The following FAM135B variants were observed in gnomAD, a reference collection of about 807,000 sequenced individuals.
FAM135B encodes the protein protein FAM135B.
FAM135B carries 43 observed loss-of-function variants against 127.7 expected under a neutral mutation model. That is an observed-to-expected ratio of 0.34 (90% CI 0.26 to 0.43). The LOEUF (loss-of-function observed/expected upper bound fraction) is 0.43, where lower values mean the gene tolerates loss of function less well. Among genes scored for constraint, FAM135B ranks in the 20% least tolerant of loss-of-function variants. The probability of loss-of-function intolerance (pLI) is 1.00; values close to 1 mark genes in which losing one functional copy is unlikely to be tolerated. For synonymous variants in FAM135B, 670 were observed against 665.1 expected (o/e 1.01, Z -0.11); for missense variants, 1,558 against 1,725.6 (o/e 0.90, Z 1.72).
chr8:138,403,353 C>T (rs1242134364), intron 1 of FAM135B, among the ~76,000 whole-genome samples: 1 of 152,004 alleles, frequency 6.6e-6, no homozygotes, highest in Non-Finnish European at 1.5e-5. Context: ...AGACCCATCA[C>T]CAACCTTGGA....
At chr8:138,367,882 C>T (rs1448367744) in intron 2 of FAM135B, 25 bp downstream of exon 2, 8 of 1,544,822 alleles carry the variant, frequency 5.2e-6, no homozygotes, top group African/African-American at 1.4e-5. Context: ...CACACACACA[C>T]ACACAAATTG....
chr8:138,415,727 A>G (rs940218818), intron 1 of FAM135B, among the ~76,000 whole-genome samples: 1 of 152,214 alleles, frequency 6.6e-6, no homozygotes, highest in African/African-American at 2.4e-5. Flanking sequence ...TGAAGAGCTA[A>G]TCAAGACAAT....
At chr8:138,412,341 G>T (rs1833914298) in intron 1 of FAM135B, among the ~76,000 whole-genome samples, 2 of 152,210 alleles carry the variant, frequency 1.3e-5, no homozygotes, top group South Asian at 4.1e-4. Context: ...ATCCAGCTAA[G>T]TCACACCCAG....
At chr8:138,309,598 T>C (rs557578557) in intron 3 of FAM135B, among the ~76,000 whole-genome samples, 66 of 152,280 alleles carry the variant, frequency 4.3e-4, no homozygotes, top group Non-Finnish European at 7.2e-4. Flanking sequence ...ATGTCTTCCA[T>C]GGTAAATTTA....
chr8:138,233,848 A>G (rs1260398110), intron 7 of FAM135B, among the ~76,000 whole-genome samples: 1 of 152,158 alleles, frequency 6.6e-6, no homozygotes, highest in Non-Finnish European at 1.5e-5. Flanking sequence ...AAATAAATAA[A>G]CTTGATTTTT....
chr8:138,418,900 A>C (rs1347819089), intron 1 of FAM135B, among the ~76,000 whole-genome samples: 1 of 151,404 alleles, frequency 6.6e-6, no homozygotes, highest in Non-Finnish European at 1.5e-5. Flanking sequence ...AAAAAAAAAA[A>C]CATACTTAAG....
chr8:138,283,138 A>T (rs531356726), intron 3 of FAM135B, among the ~76,000 whole-genome samples: 7 of 152,072 alleles, frequency 4.6e-5, no homozygotes, highest in Middle Eastern at 3.4e-3. Flanking sequence ...TGACCTCGTG[A>T]CCCGCCCACC....
intron 1 of FAM135B, among the ~76,000 whole-genome samples, chr8:138,445,060 G>T (rs1290685914): frequency 6.6e-6 from 1 of 152,146 alleles, no homozygotes; most frequent in African/African-American, 2.4e-5. Flanking sequence ...TAGAAGAAAT[G>T]GATAAATTCC....
intron 7 of FAM135B, among the ~76,000 whole-genome samples, chr8:138,202,125 CA>C (rs60386806): frequency 0.011 from 895 of 84,086 alleles, 31 homozygotes; most frequent in African/African-American, 0.04. Flanking sequence ...AACTCTGTCT[CA>C]AAAAAAAAAA....
chr8:138,434,956 A>G (rs539394515), intron 1 of FAM135B, among the ~76,000 whole-genome samples: 5 of 152,290 alleles, frequency 3.3e-5, no homozygotes, highest in African/African-American at 1.2e-4. Context: ...TTCCTCTGGC[A>G]CATTACCTGC....
intron 7 of FAM135B, among the ~76,000 whole-genome samples, chr8:138,213,388 C>T (rs903624139): frequency 1.3e-5 from 2 of 152,124 alleles, no homozygotes; most frequent in African/African-American, 2.4e-5. Flanking sequence ...ATGCCAACAG[C>T]ATGTCATCTC....
At chr8:138,293,706 A>T (rs1222212155) in intron 3 of FAM135B, among the ~76,000 whole-genome samples, 1 of 152,186 alleles carries the variant, frequency 6.6e-6, no homozygotes, top group Non-Finnish European at 1.5e-5. Flanking sequence ...ATACCACCTT[A>T]CCCCTGCAAG....
intron 1 of FAM135B, among the ~76,000 whole-genome samples, chr8:138,428,483 C>T (rs2131495053): frequency 6.6e-6 from 1 of 152,132 alleles, no homozygotes; most frequent in African/African-American, 2.4e-5. Flanking sequence ...GTGCCTAGGC[C>T]ATTGTCTCAT....
chr8:138,362,128 A>G (rs1244220776), intron 2 of FAM135B, among the ~76,000 whole-genome samples: 2 of 151,956 alleles, frequency 1.3e-5, no homozygotes, highest in Non-Finnish European at 2.9e-5. Flanking sequence ...GTTATAAACA[A>G]TCCAATCACC....
intron 3 of FAM135B, among the ~76,000 whole-genome samples, chr8:138,267,837 T>C (rs1322678903): frequency 1.3e-5 from 2 of 152,244 alleles, no homozygotes; most frequent in African/African-American, 4.8e-5. Context: ...ACTGGCCTAA[T>C]GCAGTTCTAT....
intron 9 of FAM135B, among the ~76,000 whole-genome samples, chr8:138,180,936 CA>C (rs1390826286): frequency 6.6e-6 from 1 of 152,012 alleles, no homozygotes; most frequent in African/African-American, 2.4e-5. Context: ...ACATCATGGT[CA>C]AAAGTGTTAA....
intron 10 of FAM135B, 126 bp downstream of exon 10, chr8:138,178,409 A>T: frequency 9.2e-7 from 1 of 1,082,868 alleles, no homozygotes; most frequent in Non-Finnish European, 1.4e-6. Context: ...CTGCACGGTC[A>T]TGGTAGAGAC....
intron 7 of FAM135B, among the ~76,000 whole-genome samples, chr8:138,209,129 G>T (rs953359276): frequency 2.0e-4 from 30 of 152,038 alleles, no homozygotes; most frequent in Non-Finnish European, 1.8e-4. Flanking sequence ...GGTTTTTTTG[G>T]TGGTTCCTGT....
intron 9 of FAM135B, among the ~76,000 whole-genome samples, chr8:138,186,455 G>A (rs866913144): frequency 1.3e-5 from 2 of 152,148 alleles, no homozygotes; most frequent in Non-Finnish European, 2.9e-5. Context: ...ACTGGCAGGA[G>A]TGGGGGAGAC....
Sources: gnomAD v4.1 joint callset for allele counts (sites outside exome capture counted in the v4.1 genomes callset) on GRCh38, gnomAD v4.1.1 for gene constraint, MANE v1.5 for transcripts, NCBI Gene and HGNC (gene_info 2026-07-23, HGNC 2026-07-21) for gene names.